The following LHFPL2 variants were observed in gnomAD, a reference collection of about 807,000 sequenced individuals.
LHFPL2 encodes LHFPL tetraspan subfamily member 2.
In LHFPL2, 7 loss-of-function variants were observed where a neutral mutation model predicts 17.5. The ratio of observed to expected loss-of-function variants is 0.40; its 90% CI spans 0.23 to 0.75. The LOEUF (loss-of-function observed/expected upper bound fraction) is 0.75, where lower values mean the gene tolerates loss of function less well. Among genes scored for constraint, LHFPL2 ranks in the 30% least tolerant of loss-of-function variants. LHFPL2 has a pLI of 0.37. For missense variants in LHFPL2, 241 were observed against 294.8 expected, an observed-to-expected ratio of 0.82 and a Z score of 1.34; for synonymous variants, 134 against 116.2, an observed-to-expected ratio of 1.15 and a Z score of -0.99.
rs575060573 is a variant in LHFPL2, at chr5:78,488,829, C to T, written c.*68G>A. ...GTAAAGGTTAGTTCTCCACTTGACT[C>T]AAATGATGAAACTGTGGACTGTTTC... is the stretch of plus-strand genomic sequence containing the variant. On this transcript the variant is annotated 3_prime_UTR_variant, in exon 5 of 5. Transcript: ENST00000380345. 981 of 1,565,982 alleles carry T rather than the reference C, an allele frequency of 6.3e-4. No homozygotes were observed. The highest frequency in any genetic ancestry group is 5.8e-4 in the Non-Finnish European group (672 of 1,151,654).
At chr5:78,554,940 G>C (rs954711538) in intron 3 of LHFPL2, among the ~76,000 whole-genome samples, 3 of 152,094 alleles carry the variant, frequency 2.0e-5, no homozygotes, top group African/African-American at 7.2e-5. Context: ...TATTAATAAA[G>C]TCTTTGAATC....
intron 2 of LHFPL2, among the ~76,000 whole-genome samples, chr5:78,623,333 G>C (rs182409127): frequency 1.6e-4 from 24 of 152,258 alleles, no homozygotes; most frequent in Admixed American, 1.5e-3. Context: ...TTTATAGCAA[G>C]TTGAAACCCC....
At chr5:78,585,196 C>T (rs1390047128) in intron 2 of LHFPL2, among the ~76,000 whole-genome samples, 2 of 115,530 alleles carry the variant, frequency 1.7e-5, no homozygotes, top group Admixed American at 8.3e-5. Context: ...TTAGTAGAGA[C>T]GGGGTTTCAC....
At chr5:78,543,374 G>A (rs1756170420) in intron 3 of LHFPL2, among the ~76,000 whole-genome samples, 1 of 152,086 alleles carries the variant, frequency 6.6e-6, no homozygotes, top group Non-Finnish European at 1.5e-5. Context: ...GTGAGACAAC[G>A]AACTTCAGGT....
At chr5:78,635,671 T>C (rs887882976) in intron 1 of LHFPL2, among the ~76,000 whole-genome samples, 1 of 152,056 alleles carries the variant, frequency 6.6e-6, no homozygotes, top group Non-Finnish European at 1.5e-5. Context: ...GGTGTGGTGG[T>C]GGGCGCCTGT....
chr5:78,494,538 A>C, intron 4 of LHFPL2: 2 of 985,324 alleles, frequency 2.0e-6, no homozygotes, highest in Non-Finnish European at 2.4e-6. Flanking sequence ...TTATCTGTAG[A>C]GGAAAAAAAC....
At chr5:78,508,022 T>A (rs1580755694) in intron 4 of LHFPL2, among the ~76,000 whole-genome samples, 1 of 151,586 alleles carries the variant, frequency 6.6e-6, no homozygotes, top group African/African-American at 2.4e-5. Flanking sequence ...GCAGGGATAT[T>A]TCTCTGACAA....
intron 1 of LHFPL2, chr5:78,644,583 G>A (rs541875676): frequency 1.3e-5 from 6 of 459,178 alleles, no homozygotes; most frequent in African/African-American, 6.1e-5. Context: ...TGGGATCCTC[G>A]AACTTCTTTT....
intron 3 of LHFPL2, among the ~76,000 whole-genome samples, chr5:78,557,983 T>C (rs1057210247): frequency 2.0e-5 from 3 of 152,314 alleles, no homozygotes; most frequent in Middle Eastern, 3.4e-3. Context: ...TGAATTGAAT[T>C]AATCCAAGAG....
intron 3 of LHFPL2, among the ~76,000 whole-genome samples, chr5:78,536,225 C>A (rs193296526): frequency 1.9e-3 from 285 of 152,248 alleles, no homozygotes; most frequent in African/African-American, 6.6e-3. Flanking sequence ...GGATGCCGTA[C>A]CAAGTGGGGC....
intron 2 of LHFPL2, among the ~76,000 whole-genome samples, chr5:78,584,537 G>C (rs1017121774): frequency 2.0e-5 from 3 of 151,282 alleles, no homozygotes; most frequent in South Asian, 4.2e-4. Flanking sequence ...TTGGAGTACC[G>C]GGCCGTGTGA....
chr5:78,581,266 A>G (rs1250696589), intron 2 of LHFPL2, among the ~76,000 whole-genome samples: 1 of 152,122 alleles, frequency 6.6e-6, no homozygotes, highest in Non-Finnish European at 1.5e-5. Flanking sequence ...CTCTTTTCCT[A>G]ATTGAATACC....
At chr5:78,524,288 A>G (rs1755549781) in intron 3 of LHFPL2, among the ~76,000 whole-genome samples, 1 of 152,206 alleles carries the variant, frequency 6.6e-6, no homozygotes, top group South Asian at 2.1e-4. Context: ...AATAAGCCCA[A>G]GACACCAAGT....
chr5:78,581,687 T>G (rs1743147810), intron 2 of LHFPL2, among the ~76,000 whole-genome samples: 7 of 152,200 alleles, frequency 4.6e-5, no homozygotes, highest in Admixed American at 4.6e-4. Context: ...TTGGATTCGG[T>G]TTCCCAGTAT....
intron 2 of LHFPL2, among the ~76,000 whole-genome samples, chr5:78,571,169 T>C (rs1052785119): frequency 3.9e-5 from 6 of 152,160 alleles, no homozygotes; most frequent in African/African-American, 1.4e-4. Context: ...AGCTCATCTG[T>C]CCTGGAGTTT....
In LHFPL2 at chr5:78,602,875, G is replaced by GGTTTTGTTTTGTTTT. The variant is rs58986689; in HGVS notation, c.-245+29374_-245+29388dup. Among the ~76,000 whole-genome samples the GGTTTTGTTTTGTTTT allele has an allele frequency of 8.7e-3, 1,307 of 150,042 alleles. 15 individuals are homozygous for GGTTTTGTTTTGTTTT. The highest frequency in any genetic ancestry group is 0.014 in the Middle Eastern group (4 of 294). On this transcript the variant is annotated intron_variant, in intron 2 of 4. Transcript: ENST00000380345. ...CTTACTACCACCCACAATGAGGTAGGGTTTTGTTTTGTTTTGTTTTGTTTT... is the reference window on the plus strand; with the variant it reads ...CTTACTACCACCCACAATGAGGTAGGGTTTTGTTTTGTTTTGTTTTGTTTTGTTTTGTTTTGTTTT...
chr5:78,559,733 T>C (rs961808674), intron 3 of LHFPL2, among the ~76,000 whole-genome samples: 6 of 152,238 alleles, frequency 3.9e-5, no homozygotes, highest in Non-Finnish European at 8.8e-5. Flanking sequence ...TTTCTCTTAA[T>C]AAATGCTTCC....
At chr5:78,640,827 C>T (rs747459592) in intron 1 of LHFPL2, among the ~76,000 whole-genome samples, 4 of 152,170 alleles carry the variant, frequency 2.6e-5, no homozygotes, top group Non-Finnish European at 5.9e-5. Flanking sequence ...AAATCCACAG[C>T]AGTAAGAGGA....
At chr5:78,638,746 G>A (rs767989287) in intron 1 of LHFPL2, among the ~76,000 whole-genome samples, 7 of 152,126 alleles carry the variant, frequency 4.6e-5, no homozygotes, top group Admixed American at 2.6e-4. Context: ...AGTGGCTGAC[G>A]GGCTGCATGT....
Sources: allele counts gnomAD v4.1 joint callset (sites outside exome capture counted in the v4.1 genomes callset), GRCh38; gene constraint gnomAD v4.1.1; transcripts MANE v1.5; gene names NCBI Gene and HGNC (gene_info 2026-07-23, HGNC 2026-07-21).